The following SYNPR variants were observed in gnomAD, a reference collection of about 807,000 sequenced individuals.
SYNPR encodes the protein synaptoporin.
SYNPR carries 23 observed loss-of-function variants against 32.9 expected under a neutral mutation model. The ratio of observed to expected loss-of-function variants is 0.70; its 90% confidence interval spans 0.50 to 0.99. The LOEUF (loss-of-function observed/expected upper bound fraction) is 0.99, where lower values mean the gene tolerates loss of function less well. Ranked by LOEUF, SYNPR falls within the 50% of genes least tolerant of loss-of-function variation. The probability of loss-of-function intolerance (pLI) is 0.00; values close to 1 mark genes in which losing one functional copy is unlikely to be tolerated. For missense variants in SYNPR, 318 were observed against 349.3 expected, an observed-to-expected ratio of 0.91 and a Z score of 0.71; for synonymous variants, 146 against 135.9, an observed-to-expected ratio of 1.07 and a Z score of -0.52.
intron 3 of SYNPR, among the ~76,000 whole-genome samples, chr3:63,537,542 T>C (rs558274047): frequency 6.6e-6 from 1 of 152,260 alleles, no homozygotes; most frequent in South Asian, 2.1e-4. Context: ...GTCTTTGTGT[T>C]TTGAGGTCTG....
intron 3 of SYNPR, among the ~76,000 whole-genome samples, chr3:63,506,922 T>C (rs183855630): frequency 6.1e-4 from 93 of 152,190 alleles, no homozygotes; most frequent in African/African-American, 2.1e-3. Context: ...CAAACACCAA[T>C]AGTGCCATGC....
chr3:63,520,413 G>A (rs4504164), intron 3 of SYNPR, among the ~76,000 whole-genome samples: 78,678 of 151,848 alleles, frequency 0.52, 21,020 homozygotes, highest in South Asian at 0.68. Context: ...GGTGGCTCAC[G>A]CCTGTAATCC....
In SYNPR at chr3:63,313,944, CATATAT is replaced by C. The variant is rs58740129; in HGVS notation, c.84+35211_84+35216del. Among the ~76,000 whole-genome samples the C allele has an allele frequency of 4.6e-3, 5 of 1,078 alleles. 1 individual carries two copies. Among genetic ancestry groups the C allele is most frequent in the South Asian group, 0.048 (2 of 42 alleles). 0.7% of individuals were successfully genotyped at this position (1,078 alleles called of 152,430 possible). ...ATATATATCCATATATATATATATCCATATATATATATATCCATATATATATATCCA... is the reference window on the plus strand; with the variant it reads ...ATATATATCCATATATATATATATCCATATATATCCATATATATATATCCA... On this transcript the variant is annotated intron_variant, in intron 2 of 5. Coordinates refer to ENST00000478300, the MANE Select transcript of SYNPR (RefSeq NM_001130003.2).
intron 2 of SYNPR, among the ~76,000 whole-genome samples, chr3:63,420,578 A>G (rs564455843): frequency 6.6e-6 from 1 of 152,314 alleles, no homozygotes; most frequent in Non-Finnish European, 1.5e-5. Flanking sequence ...ATTGTGAAAA[A>G]CAAAACTCTG....
rs1230308325 is a variant in SYNPR, at chr3:63,278,575, G to T, written c.18+24G>T. On this transcript the variant is annotated intron_variant, in intron 1 of 5. Transcript: ENST00000478300. The stretch of plus-strand genomic sequence containing the variant: ...AGGTGAGACAGAACTGGGCAGGGCG[G>T]CTGGCTGGGAGCAGGGGGCGGGGGA... 3.2e-6 allele frequency: 5 copies of T among 1,550,838 alleles called. No individual in the cohort carries two copies. In the African/African-American group the frequency reaches 6.8e-5, roughly 21 times the overall value.
intron 3 of SYNPR, among the ~76,000 whole-genome samples, chr3:63,552,609 G>T (rs1702522406): frequency 6.6e-6 from 1 of 152,174 alleles, no homozygotes; most frequent in Non-Finnish European, 1.5e-5. Context: ...ACCTCTAGAG[G>T]TTTCAATTCA....
intron 2 of SYNPR, among the ~76,000 whole-genome samples, chr3:63,294,181 G>A (rs566621835): frequency 2.0e-5 from 3 of 152,060 alleles, no homozygotes; most frequent in Non-Finnish European, 4.4e-5. Flanking sequence ...TTCAAAACCT[G>A]CAAGGAATTC....
At chr3:63,445,618 A>G (rs1300682393) in intron 2 of SYNPR, 3 of 676,652 alleles carry the variant, frequency 4.4e-6, no homozygotes, top group Admixed American at 4.3e-5. Context: ...TAAGCATTTT[A>G]CATGGCTTAT....
intron 3 of SYNPR, among the ~76,000 whole-genome samples, chr3:63,483,133 T>C (rs373948738): frequency 6.6e-6 from 1 of 152,236 alleles, no homozygotes; most frequent in Non-Finnish European, 1.5e-5. Context: ...TCAAAAATGT[T>C]CATATAAATA....
intron 2 of SYNPR, among the ~76,000 whole-genome samples, chr3:63,311,349 A>C (rs1299986761): frequency 6.6e-6 from 1 of 152,008 alleles, no homozygotes; most frequent in Non-Finnish European, 1.5e-5. Context: ...ATTTAGATAA[A>C]GTTTTAGCCA....
intron 2 of SYNPR, among the ~76,000 whole-genome samples, chr3:63,420,691 G>A (rs1401815252): frequency 1.3e-5 from 2 of 152,060 alleles, no homozygotes; most frequent in African/African-American, 4.8e-5. Context: ...TAAAGATAAA[G>A]TTAGGCTTTA....
At chr3:63,559,716 TC>T (rs1372627462) in intron 4 of SYNPR, among the ~76,000 whole-genome samples, 249 of 151,928 alleles carry the variant, frequency 1.6e-3, no homozygotes, top group Admixed American at 2.9e-3. Flanking sequence ...TTTTTTTTTT[TC>T]TATCTCAAAT....
chr3:63,439,393 T>C (rs1459017324), intron 2 of SYNPR, among the ~76,000 whole-genome samples: 1 of 152,232 alleles, frequency 6.6e-6, no homozygotes, highest in African/African-American at 2.4e-5. Context: ...ACAAGAACTA[T>C]CAAATATTGG....
At chr3:63,526,392 T>C (rs143846762) in intron 3 of SYNPR, among the ~76,000 whole-genome samples, 37 of 152,320 alleles carry the variant, frequency 2.4e-4, no homozygotes, top group African/African-American at 6.3e-4. Flanking sequence ...TTTGTTTTCC[T>C]CTTACAGCAT....
chr3:63,445,553 G>T (rs756587886), intron 2 of SYNPR: 19 of 700,534 alleles, frequency 2.7e-5, no homozygotes, highest in Admixed American at 6.1e-5. Context: ...GCATAATGAA[G>T]AATGCAAGAG....
intron 2 of SYNPR, among the ~76,000 whole-genome samples, chr3:63,378,650 C>A (rs1255088905): frequency 6.6e-6 from 1 of 151,978 alleles, no homozygotes; most frequent in Non-Finnish European, 1.5e-5. Context: ...TGCCTTTCCA[C>A]ATAAAATCTT....
At chr3:63,596,991 A>ATG (rs1699971960) in intron 4 of SYNPR, among the ~76,000 whole-genome samples, 1 of 152,200 alleles carries the variant, frequency 6.6e-6, no homozygotes, top group Admixed American at 6.5e-5. Flanking sequence ...TCAAAAAAGT[A>ATG]AAATGGCATA....
At chr3:63,371,737 C>T (rs1307602959) in intron 2 of SYNPR, among the ~76,000 whole-genome samples, 1 of 152,214 alleles carries the variant, frequency 6.6e-6, no homozygotes, top group Non-Finnish European at 1.5e-5. Flanking sequence ...GAGTGGGACC[C>T]TGGACCTCGG....
chr3:63,255,284 A>C (rs7627576), intron 2 of SYNPR, among the ~76,000 whole-genome samples: 2,372 of 152,228 alleles, frequency 0.016, 50 homozygotes, highest in African/African-American at 0.053. Flanking sequence ...AAAAACTTGA[A>C]AATTTCCAGC....
Sources: gnomAD v4.1 joint callset for allele counts (sites outside exome capture counted in the v4.1 genomes callset) on GRCh38, gnomAD v4.1.1 for gene constraint, MANE v1.5 for transcripts, NCBI Gene and HGNC (gene_info 2026-07-23, HGNC 2026-07-21) for gene names.